ACOXL: variants seen among roughly 807,000 people sequenced by gnomAD.
The protein encoded by ACOXL is acyl-coenzyme A oxidase-like protein.
Under a neutral mutation model 71.9 loss-of-function variants are expected in ACOXL, and 70 were observed. That is an observed-to-expected ratio of 0.97 (90% CI 0.80 to 1.19). ACOXL has a LOEUF of 1.19. Ranked by LOEUF, ACOXL falls within the 50% of genes most tolerant of loss-of-function variation. The pLI, the probability that ACOXL is intolerant of heterozygous loss-of-function variation, is 0.00. For synonymous variants in ACOXL, 253 were observed against 281.6 expected (o/e 0.90, Z 1.02); for missense variants, 703 against 736.3 (o/e 0.95, Z 0.52).
At chr2:110,964,969 C>A (rs1054798734) in intron 12 of ACOXL, among the ~76,000 whole-genome samples, 2 of 152,060 alleles carry the variant, frequency 1.3e-5, no homozygotes, top group African/African-American at 4.8e-5. Flanking sequence ...CTGTTCATTC[C>A]CCCTACCCGC....
chr2:110,872,336 C>T (rs1039382123), intron 10 of ACOXL, among the ~76,000 whole-genome samples: 2 of 152,196 alleles, frequency 1.3e-5, no homozygotes, highest in Non-Finnish European at 2.9e-5. Flanking sequence ...CTCTAGATGG[C>T]TGGAGTGCCA....
chr2:110,904,917 C>T (rs1402113377), intron 10 of ACOXL, among the ~76,000 whole-genome samples: 1 of 152,028 alleles, frequency 6.6e-6, no homozygotes, highest in East Asian at 1.9e-4. Context: ...AAGGAAGCAG[C>T]GGGAATGGGG....
chr2:110,844,780 C>G (rs528767309), intron 10 of ACOXL, among the ~76,000 whole-genome samples: 1 of 152,142 alleles, frequency 6.6e-6, no homozygotes, highest in South Asian at 2.1e-4. Flanking sequence ...CTCCTGACCT[C>G]AAGGGATCCG....
intron 16 of ACOXL, among the ~76,000 whole-genome samples, chr2:111,069,117 G>A (rs1169931002): frequency 1.3e-5 from 2 of 149,572 alleles, no homozygotes; most frequent in African/African-American, 2.5e-5. Context: ...GTGCATGCAC[G>A]TCCTTGATGT....
chr2:110,943,056 A>AAAAGGAAGGAAGAAAGC (rs1491182333), intron 12 of ACOXL, among the ~76,000 whole-genome samples: 1 of 142,330 alleles, frequency 7.0e-6, no homozygotes, highest in African/African-American at 2.6e-5. Context: ...AGGAAGAAAG[A>AAAAGGAAGGAAGAAAGC]AAAGGAAGAA....
chr2:110,910,129 C>G lies in ACOXL; in HGVS notation c.905+1224C>G, dbSNP rs141846074. On this transcript the variant is annotated intron_variant, in intron 11 of 17. Coordinates refer to ENST00000439055, the MANE Select transcript of ACOXL (RefSeq NM_001142807.4). ...TCATCCCCAAAAGTTCCCTCTGGCC[C>G]CTTTGCAGTTGACCCTCACCTCTCC... Among the ~76,000 whole-genome samples, 516 of 152,186 alleles carry G rather than the reference C, an allele frequency of 3.4e-3. 5 individuals carry two copies. Among genetic ancestry groups the G allele is most frequent in the Middle Eastern group, 0.01 (3 of 292 alleles).
intron 17 of ACOXL, among the ~76,000 whole-genome samples, chr2:111,113,434 T>G (rs1253021193): frequency 6.6e-6 from 1 of 152,206 alleles, no homozygotes; most frequent in African/African-American, 2.4e-5. Context: ...ATATGTAAAG[T>G]GCCATATGTT....
chr2:110,944,000 G>A (rs1388530524), intron 12 of ACOXL, among the ~76,000 whole-genome samples: 1 of 152,092 alleles, frequency 6.6e-6, no homozygotes, highest in East Asian at 1.9e-4. Context: ...TAAATAATTT[G>A]CCAAAGTTTA....
At chr2:110,989,704 A>G (rs1235977481) in intron 13 of ACOXL, among the ~76,000 whole-genome samples, 17 of 152,232 alleles carry the variant, frequency 1.1e-4, no homozygotes, top group Admixed American at 7.2e-4. Flanking sequence ...TAATGGTTGT[A>G]CAACAGGGTG....
intron 17 of ACOXL, chr2:111,114,101 T>C (rs892656697): frequency 1.3e-5 from 2 of 152,698 alleles, no homozygotes; most frequent in South Asian, 2.1e-4. Context: ...ACTTATTCTG[T>C]GGGCAGGCAG....
Position 110,794,085 on chromosome 2 carries a change from T to C in ACOXL, c.256T>C (p.Tyr86His). Residue 86 changes from tyrosine to histidine, a missense_variant, in exon 5 of 18, where the codon TAC becomes CAC. By Grantham distance (83) the Tyr-to-His change is moderately conservative (BLOSUM62 2). Transcript: ENST00000439055. The part of the protein sequence containing the change: ...KWFQPLQEQK[Y>H]TGMFAMTERG... ...ATCTGGTAAACTCCAGGAGCAGAAATACACTGGGATGTTTGCAATGACCGA... is the reference window on the plus strand; with the variant it reads ...ATCTGGTAAACTCCAGGAGCAGAAACACACTGGGATGTTTGCAATGACCGA... 1.2e-6 allele frequency: 2 copies of C among 1,614,128 alleles called. No individual in the cohort carries two copies. The highest frequency in any genetic ancestry group is 2.2e-5 in the East Asian group (1 of 44,884).
chr2:111,097,504 C>T (rs1483970633), intron 17 of ACOXL, among the ~76,000 whole-genome samples: 2 of 152,208 alleles, frequency 1.3e-5, no homozygotes, highest in African/African-American at 4.8e-5. Context: ...ATTTCTAGCA[C>T]CGTCCTCCAA....
At chr2:110,817,342 G>A (rs989803490) in intron 9 of ACOXL, among the ~76,000 whole-genome samples, 1 of 152,262 alleles carries the variant, frequency 6.6e-6, no homozygotes, top group African/African-American at 2.4e-5. Context: ...ATGTGGGGCA[G>A]TGCAGGGTTG....
intron 17 of ACOXL, among the ~76,000 whole-genome samples, chr2:111,106,602 C>T (rs927553177): frequency 6.6e-6 from 1 of 152,122 alleles, no homozygotes; most frequent in Admixed American, 6.5e-5. Context: ...GACTTTTGAT[C>T]GAAACATGAA....
chr2:111,041,149 G>C (rs2065761568), intron 15 of ACOXL, among the ~76,000 whole-genome samples: 2 of 152,140 alleles, frequency 1.3e-5, no homozygotes, highest in Non-Finnish European at 1.5e-5. Context: ...GTCCAACTCA[G>C]CTTGGACGTG....
intron 10 of ACOXL, among the ~76,000 whole-genome samples, chr2:110,879,676 G>C (rs1191855429): frequency 6.6e-6 from 1 of 152,156 alleles, no homozygotes; most frequent in East Asian, 1.9e-4. Flanking sequence ...CTCCAGAACA[G>C]TTGTGTGAGG....
At chr2:110,981,362 C>T (rs1020293760) in intron 12 of ACOXL, among the ~76,000 whole-genome samples, 3 of 152,300 alleles carry the variant, frequency 2.0e-5, no homozygotes, top group Admixed American at 6.5e-5. Context: ...CATCTGAAAG[C>T]GTGGACTCTG....
chr2:111,013,522 C>CAAAAAAAAAAAAAAAAAAAAAAAAAA (rs56905916), intron 14 of ACOXL, among the ~76,000 whole-genome samples: 1 of 95,526 alleles, frequency 1.0e-5, no homozygotes. Context: ...GACCCTGTCT[C>CAAAAAAAAAAAAAAAAAAAAAAAAAA]AAAAAAAAAA....
intron 10 of ACOXL, among the ~76,000 whole-genome samples, chr2:110,905,363 C>T (rs1040446660): frequency 1.3e-5 from 2 of 152,030 alleles, no homozygotes; most frequent in African/African-American, 4.8e-5. Flanking sequence ...GGATGGGAAG[C>T]ATCTGAAGGG....
Sources: gnomAD v4.1 joint callset for allele counts (sites outside exome capture counted in the v4.1 genomes callset) on GRCh38, gnomAD v4.1.1 for gene constraint, MANE v1.5 for transcripts, NCBI Gene and HGNC (gene_info 2026-07-23, HGNC 2026-07-21) for gene names.